The following MGST2 variants were observed in gnomAD, a reference collection of about 807,000 sequenced individuals.
MGST2 encodes glutathione peroxidase MGST2.
Under a neutral mutation model 16.6 loss-of-function variants are expected in MGST2, and 9 were observed. The ratio of observed to expected loss-of-function variants is 0.54; its 90% CI spans 0.33 to 0.95. The LOEUF (loss-of-function observed/expected upper bound fraction) is 0.95. Ranked by LOEUF, MGST2 falls within the 40% of genes least tolerant of loss-of-function variation. MGST2 has a pLI of 0.03. For missense variants in MGST2, 159 were observed against 175.1 expected, an observed-to-expected ratio of 0.91 and a Z score of 0.52; for synonymous variants, 79 against 68.0, an observed-to-expected ratio of 1.16 and a Z score of -0.79.
downstream of MGST2, among the ~76,000 whole-genome samples, chr4:139,744,974 C>G (rs186229871): frequency 3.2e-4 from 49 of 152,318 alleles, no homozygotes; most frequent in Non-Finnish European, 5.9e-4. Context: ...TTCTAAGCTT[C>G]AGTATTCTCC....
At chr4:139,713,637 T>C (rs1727826438) in intron 5 of MGST2, among the ~76,000 whole-genome samples, 1 of 152,230 alleles carries the variant, frequency 6.6e-6, no homozygotes, top group South Asian at 2.1e-4. Context: ...CTTCTAACCA[T>C]AGTGTTCTTT....
At chr4:139,746,973 G>A in the MGST2 span, among the ~76,000 whole-genome samples, 1 of 152,266 alleles carries the variant, frequency 6.6e-6, no homozygotes, top group South Asian at 2.1e-4. Context: ...GTGGGCCACC[G>A]GCCGTGGCTT....
intron 5 of MGST2, among the ~76,000 whole-genome samples, chr4:139,733,768 T>A (rs901423316): frequency 2.6e-5 from 4 of 152,134 alleles, no homozygotes; most frequent in African/African-American, 4.8e-5. Flanking sequence ...CACTGCAACC[T>A]CCAACTCCTG....
At position 139,697,444 on chromosome 4, in the gene MGST2, C is replaced by A. The variant is rs142285283; in HGVS notation, c.229+2177C>A. Among the ~76,000 whole-genome samples, 1,135 of 152,272 alleles carry A rather than the reference C, an allele frequency of 7.5e-3. 9 individuals are homozygous for A. The highest frequency in any genetic ancestry group is 0.025 in the African/African-American group (1,029 of 41,556). ...TCTTGGTTGGTAGAAGCTGCTTCTCCTGTTATCTTGATATTTTAAAAGCTA... is the reference window on the plus strand; with the variant it reads ...TCTTGGTTGGTAGAAGCTGCTTCTCATGTTATCTTGATATTTTAAAAGCTA... On this transcript the variant is annotated intron_variant, in intron 3 of 4. Transcript: ENST00000265498.
intron 1 of MGST2, among the ~76,000 whole-genome samples, chr4:139,668,645 G>A (rs1291544002): frequency 6.6e-6 from 1 of 151,354 alleles, no homozygotes; most frequent in Non-Finnish European, 1.5e-5. Context: ...GGGAGAGGGA[G>A]AGAGAGAGAG....
chr4:139,715,486 G>T lies in MGST2; in HGVS notation c.*48+11290G>T, dbSNP rs535727260. Among the ~76,000 whole-genome samples the T allele has an allele frequency of 6.6e-6, 1 of 152,108 alleles. No individual in the cohort carries two copies. Among genetic ancestry groups the T allele is most frequent in the Non-Finnish European group, 1.5e-5 (1 of 68,032 alleles). ...CCAAGAGAGGGTTCTTGGCTCTTGC[G>T]CAAGAAAGAATTCAGGGTGAGTCTG... On this transcript the variant is annotated intron_variant, in intron 5 of 5. Transcript: ENST00000616265. This position sits in a 1 kb window ranked among gnomAD's most constrained non-coding sequence, Gnocchi z 4.4.
intron 5 of MGST2, among the ~76,000 whole-genome samples, chr4:139,739,072 G>T (rs1729064089): frequency 6.6e-6 from 1 of 152,166 alleles, no homozygotes; most frequent in South Asian, 2.1e-4. Flanking sequence ...ATCCAGCACA[G>T]AGCTAGGGCC....
chr4:139,702,723 G>A (rs557934963), intron 3 of MGST2, among the ~76,000 whole-genome samples: 5 of 151,638 alleles, frequency 3.3e-5, no homozygotes, highest in South Asian at 2.1e-4. Context: ...CAAATGTTAC[G>A]TTCGATTTTA....
At chr4:139,672,689 T>A (rs1448851426) in intron 1 of MGST2, among the ~76,000 whole-genome samples, 1 of 152,018 alleles carries the variant, frequency 6.6e-6, no homozygotes, top group Non-Finnish European at 1.5e-5. Context: ...TAGCTGGGAC[T>A]ACAGGTGTGC....
intron 5 of MGST2, among the ~76,000 whole-genome samples, chr4:139,721,249 T>C (rs138725816): frequency 6.6e-6 from 1 of 152,264 alleles, no homozygotes; most frequent in African/African-American, 2.4e-5. Context: ...TTTGAGTGAG[T>C]CCTTCTTTAC....
the MGST2 span, among the ~76,000 whole-genome samples, chr4:139,749,025 G>C: frequency 1.3e-5 from 2 of 152,082 alleles, no homozygotes; most frequent in African/African-American, 2.4e-5. Flanking sequence ...CTTCCCATCT[G>C]GCCCCCCACA....
chr4:139,724,155 G>A (rs1402863509), intron 5 of MGST2, among the ~76,000 whole-genome samples: 2 of 152,214 alleles, frequency 1.3e-5, no homozygotes, highest in Non-Finnish European at 2.9e-5. Context: ...CTGTGTCAAG[G>A]CCAAAGGATC....
intron 1 of MGST2, among the ~76,000 whole-genome samples, chr4:139,668,731 C>T (rs1195332461): frequency 6.6e-6 from 1 of 151,982 alleles, no homozygotes; most frequent in Non-Finnish European, 1.5e-5. Context: ...CCCGCCATTG[C>T]TTACAGGCTG....
chr4:139,702,900 G>T, intron 3 of MGST2, among the ~76,000 whole-genome samples: 1 of 105,684 alleles, frequency 9.5e-6, no homozygotes, highest in Admixed American at 1.1e-4. Context: ...TGGATGTGTG[G>T]TGGTGCCATC....
At chr4:139,680,913 C>T (rs1186528418) in intron 2 of MGST2, among the ~76,000 whole-genome samples, 1 of 152,164 alleles carries the variant, frequency 6.6e-6, no homozygotes, top group Non-Finnish European at 1.5e-5. Flanking sequence ...GGCCTACTGT[C>T]CCGAGATGTT....
rs928538424 is a variant in MGST2 at position 139,715,058 on chromosome 4, G to A, written c.*48+10862G>A. ...TTTACCGAAGAGGGGCCTCTAACCC[G>A]CTAAATCTTAGAAGGGACTCTAACT... On this transcript the variant is annotated intron_variant, in intron 5 of 5. Transcript: ENST00000616265. This position sits in a 1 kb window ranked among gnomAD's most constrained non-coding sequence, Gnocchi z 4.4. 3.3e-5 allele frequency among the ~76,000 whole-genome samples: 5 copies of A among 152,140 alleles called. No homozygotes were observed. Among genetic ancestry groups the A allele is most frequent in the Admixed American group, 6.5e-5 (1 of 15,282 alleles).
chr4:139,748,791 C>T, the MGST2 span, among the ~76,000 whole-genome samples: 17 of 152,100 alleles, frequency 1.1e-4, no homozygotes, highest in Non-Finnish European at 2.4e-4. Flanking sequence ...AGTAGAAAGG[C>T]AGGGAAAAGT....
chr4:139,705,068 A>G (rs1727468155), downstream of MGST2, among the ~76,000 whole-genome samples: 1 of 152,206 alleles, frequency 6.6e-6, no homozygotes, highest in Non-Finnish European at 1.5e-5. Context: ...ATTTTAAAAA[A>G]GAGACGGTCT....
chr4:139,736,511 A>G (rs1728953420), intron 5 of MGST2, among the ~76,000 whole-genome samples: 1 of 152,076 alleles, frequency 6.6e-6, no homozygotes, highest in Non-Finnish European at 1.5e-5. Flanking sequence ...AATGAAAACC[A>G]TACTCATAAG....
Sources: allele counts gnomAD v4.1 joint callset (sites outside exome capture counted in the v4.1 genomes callset), GRCh38; gene constraint gnomAD v4.1.1; non-coding constraint Gnocchi (gnomAD v3.1); transcripts MANE v1.5; gene names NCBI Gene and HGNC (gene_info 2026-07-23, HGNC 2026-07-21).